The following UBN1 variants were observed in gnomAD, a reference collection of about 807,000 sequenced individuals.
The protein encoded by UBN1 is ubinuclein 1.
Under a neutral mutation model 108.5 loss-of-function variants are expected in UBN1, and 17 were observed. The ratio of observed to expected loss-of-function variants is 0.16; its 90% CI spans 0.11 to 0.24. The LOEUF is 0.24. Among genes scored for constraint, UBN1 ranks in the 10% least tolerant of loss-of-function variants. The pLI, the probability that UBN1 is intolerant of heterozygous loss-of-function variation, is 1.00. For missense variants in UBN1, 1,595 were observed against 1,394.4 expected, an observed-to-expected ratio of 1.14 and a Z score of -2.29; for synonymous variants, 726 against 564.2, an observed-to-expected ratio of 1.29 and a Z score of -4.07.
intron 1 of UBN1, chr16:4,852,211 C>T (rs1225413742): frequency 6.6e-6 from 1 of 152,216 alleles, no homozygotes; most frequent in Non-Finnish European, 1.5e-5. Flanking sequence ...TTAGCATATT[C>T]ATATTCTGTG....
At chr16:4,875,756 C>T (rs1374725507) in intron 15 of UBN1, among the ~76,000 whole-genome samples, 1 of 152,144 alleles carries the variant, frequency 6.6e-6, no homozygotes, top group Non-Finnish European at 1.5e-5. Flanking sequence ...TGACCCCTTG[C>T]CTCTCCATCT....
At chr16:4,849,044 G>T (rs571732438) in intron 1 of UBN1, among the ~76,000 whole-genome samples, 1 of 152,216 alleles carries the variant, frequency 6.6e-6, no homozygotes, top group East Asian at 1.9e-4. Context: ...AGGTTGCCGT[G>T]AGCCGAGATT....
At position 4,870,821 on chromosome 16, in the gene UBN1, A is replaced by G. The variant is rs767842112; in HGVS notation, c.1431-23A>G. On this transcript the variant is annotated intron_variant, in intron 10 of 17. Coordinates refer to ENST00000262376, the MANE Select transcript of UBN1 (RefSeq NM_001079514.3). Reference sequence around the variant, plus strand: ...GTGGGCAGGAGCACCTTGGGGCCCCATGTAATTCTATTCACCCCGTAGGAT... The same window carrying G: ...GTGGGCAGGAGCACCTTGGGGCCCCGTGTAATTCTATTCACCCCGTAGGAT... The G allele has an allele frequency of 5.0e-6, 8 of 1,613,142 alleles. No homozygotes were observed. The East Asian group carries it at 1.8e-4, about 36-fold the overall frequency.
intron 17 of UBN1, 129 bp from the exon 18 acceptor site, chr16:4,879,954 G>A (rs2088029516): frequency 2.1e-6 from 2 of 959,798 alleles, no homozygotes; most frequent in East Asian, 2.4e-5. Flanking sequence ...GCTTGTTTGA[G>A]CTCTAGAACA....
intron 2 of UBN1, among the ~76,000 whole-genome samples, chr16:4,854,937 T>A (rs977702049): frequency 2.0e-5 from 3 of 152,024 alleles, no homozygotes; most frequent in African/African-American, 7.2e-5. Flanking sequence ...TTAGCCAGGA[T>A]GGTCTCGATC....
intron 2 of UBN1, among the ~76,000 whole-genome samples, chr16:4,857,752 C>A (rs2142151343): frequency 6.6e-6 from 1 of 152,262 alleles, no homozygotes; most frequent in African/African-American, 2.4e-5. Context: ...AGTCCTGCAG[C>A]CCCTCATGCT....
chr16:4,879,986 C>T (rs766359962), intron 17 of UBN1, 97 bp from the exon 18 acceptor site: 1 of 1,325,868 alleles, frequency 7.5e-7, no homozygotes, highest in East Asian at 2.3e-5. Flanking sequence ...GGGACTTTTG[C>T]TATTTAGGTG....
At chr16:4,872,289 G>A in intron 12 of UBN1, 1 of 985,394 alleles carries the variant, frequency 1.0e-6, no homozygotes, top group African/African-American at 1.7e-5. Context: ...AGGCAATAAG[G>A]AAAGTGCTGT....
intron 1 of UBN1, chr16:4,852,657 A>G (rs2086613328): frequency 7.9e-6 from 3 of 381,538 alleles, no homozygotes; most frequent in African/African-American, 2.1e-5. Flanking sequence ...TAGGATACAC[A>G]TGCACAGGAA....
chr16:4,869,342 A>G (rs1596509101), intron 8 of UBN1, among the ~76,000 whole-genome samples: 1 of 152,216 alleles, frequency 6.6e-6, no homozygotes, highest in African/African-American at 2.4e-5. Flanking sequence ...TCCTGTTCCT[A>G]GTGCCACGTG....
intron 7 of UBN1, among the ~76,000 whole-genome samples, chr16:4,863,951 T>G (rs1296690403): frequency 2.0e-5 from 3 of 152,144 alleles, no homozygotes; most frequent in African/African-American, 7.2e-5. Flanking sequence ...TCCAGCACAC[T>G]TTTGGTCAGA....
intron 7 of UBN1, among the ~76,000 whole-genome samples, chr16:4,867,340 C>T (rs959639869): frequency 9.2e-5 from 14 of 152,278 alleles, no homozygotes; most frequent in Middle Eastern, 6.8e-3. Flanking sequence ...TCCACTTACA[C>T]GCAGATGTTT....
At position 4,852,204 on chromosome 16, in the gene UBN1, G is replaced by A. The variant is rs1336802300; in HGVS notation, c.-39-675G>A. 4 of 152,328 alleles carry A rather than the reference G, an allele frequency of 2.6e-5. No individual in the cohort carries two copies. In the South Asian group the frequency reaches 8.3e-4, roughly 32 times the overall value. The allele number at this position is 152,328 out of a possible 1,614,324, so 9.4% of individuals were successfully genotyped here. A position where few individuals can be genotyped will look rare whatever the true frequency, so the allele number is the denominator to read the frequency against. On this transcript the variant is annotated intron_variant, in intron 1 of 17. Transcript: ENST00000262376. ...CAGAAAACATGTATGGCATGTATTA[G>A]CATATTCATATTCTGTGAACATTTG... is the stretch of plus-strand genomic sequence containing the variant.
Position 4,872,934 on chromosome 16 carries a change from TGTGA to T in UBN1, c.1757+4_1757+7del. 1 of 1,614,246 alleles carries T rather than the reference TGTGA, an allele frequency of 6.2e-7. No individual in the cohort carries two copies. The highest frequency in any genetic ancestry group is 8.5e-7 in the Non-Finnish European group (1 of 1,180,038). On this transcript the variant is annotated splice_donor_variant and splice_donor_region_variant and intron_variant, in intron 13 of 17. Transcript: ENST00000262376. LOFTEE classifies it high-confidence loss of function. ...GGCCATGGGCACCTGACTTCAATCC[TGTGA>T]GTGTCTTGGTATTTTCACATCTCGG...
In UBN1 at chr16:4,874,371, C is replaced by T; in HGVS notation, c.1961C>T (p.Pro654Leu). The change falls in exon 15 of 18, where the codon CCT (proline) becomes CTT (leucine). Residue 654 changes from proline (P) to leucine (L), a missense_variant. Around this residue, in one of 3 missense-constraint regions of UBN1, gnomAD observed 1,398 missense variants for 1,194.7 expected, o/e 1.17. Coordinates refer to ENST00000262376, the MANE Select transcript of UBN1 (RefSeq NM_001079514.3). ...TCGGGCGGCCTTGCTAACCCTCCTC[C>T]TGTCAACCTGGAGGACTCATTGGAT... ...QASGGLANPP[P>L]VNLEDSLDED... is the part of the protein sequence containing the mutation. 6 of 1,614,136 alleles carry T rather than the reference C, an allele frequency of 3.7e-6. No homozygotes were observed. The highest frequency in any genetic ancestry group is 2.2e-5 in the South Asian group (2 of 91,074).
intron 2 of UBN1, among the ~76,000 whole-genome samples, chr16:4,855,108 A>G (rs1220593970): frequency 1.3e-5 from 2 of 152,138 alleles, no homozygotes; most frequent in Non-Finnish European, 2.9e-5. Flanking sequence ...CACTCGCAGC[A>G]TTGTGGTCTC....
intron 12 of UBN1, 54 bp downstream of exon 12, chr16:4,871,355 C>T: frequency 6.3e-7 from 1 of 1,577,226 alleles, no homozygotes; most frequent in South Asian, 1.2e-5. Context: ...CGTTTGAACG[C>T]TGCTTTTGTG....
rs1463988571 is a variant in UBN1, at chr16:4,877,578, G to A, written c.3355+104G>A. 1.1e-5 allele frequency: 16 copies of A among 1,453,150 alleles called. No homozygotes were observed. The highest frequency in any genetic ancestry group is 5.8e-5 in the South Asian group (4 of 68,688). 90.0% of individuals were successfully genotyped at this position (1,453,150 alleles called of 1,614,324 possible). A position where few individuals can be genotyped will look rare whatever the true frequency, so the allele number is the denominator to read the frequency against. On this transcript the variant is annotated intron_variant, in intron 17 of 17. Coordinates refer to ENST00000262376, the MANE Select transcript of UBN1 (RefSeq NM_001079514.3). The surrounding 1 kb of genome is among the most constrained non-coding windows in gnomAD (Gnocchi z 4.3). ...AGGGTCTTGGTGTCTTTGCCTTGAC[G>A]CTGTTGTTGTTTTGGTTTGTCCTTT...
At chr16:4,872,625 C>G (rs111982392) in intron 12 of UBN1, among the ~76,000 whole-genome samples, 1 of 152,282 alleles carries the variant, frequency 6.6e-6, no homozygotes, top group South Asian at 2.1e-4. Context: ...TGCGCCACCA[C>G]GCCTGGCTAA....
Sources: allele counts gnomAD v4.1 joint callset (sites outside exome capture counted in the v4.1 genomes callset), GRCh38; gene constraint gnomAD v4.1.1; regional missense constraint gnomAD v4.1.1; non-coding constraint Gnocchi (gnomAD v3.1); transcripts MANE v1.5; gene names NCBI Gene and HGNC (gene_info 2026-07-23, HGNC 2026-07-21).